KCNQ5: variants seen among roughly 807,000 people sequenced by gnomAD.
KCNQ5 encodes the protein potassium voltage-gated channel subfamily KQT member 5.
KCNQ5 carries 30 observed loss-of-function variants against 98.2 expected under a neutral mutation model. The observed-to-expected ratio is 0.31, with a 90% CI of 0.23 to 0.41. The LOEUF (loss-of-function observed/expected upper bound fraction) is 0.41. Among genes scored for constraint, KCNQ5 ranks in the 10% least tolerant of loss-of-function variants. The pLI is 1.00. For synonymous variants in KCNQ5, 458 were observed against 449.4 expected (o/e 1.02, Z -0.24); for missense variants, 835 against 1,182.5 (o/e 0.71, Z 4.31).
chr6:73,009,498 G>C (rs9446816), intron 2 of KCNQ5, among the ~76,000 whole-genome samples: 9,091 of 151,946 alleles, frequency 0.06, 831 homozygotes, highest in African/African-American at 0.2. Flanking sequence ...AAAGAATACA[G>C]TAGACCCAAG....
In KCNQ5 at chr6:73,146,626, C is replaced by CAAAAAAAAAAAAAAAAAAA. The variant is rs58798764; in HGVS notation, c.1468+12994_1468+13012dup. Among the ~76,000 whole-genome samples, 7 of 28,484 alleles carry CAAAAAAAAAAAAAAAAAAA rather than the reference C, an allele frequency of 2.5e-4. 1 individual carries two copies. The highest frequency in any genetic ancestry group is 7.7e-4 in the East Asian group (1 of 1,300). The allele number at this position is 28,484 out of a possible 152,430, so 18.7% of individuals were successfully genotyped here. ...TGGGCAACAGAACAAGTCCCTGTCT[C>CAAAAAAAAAAAAAAAAAAA]AAAAAAAAAAAAAAAAAAAAAAAAA... On this transcript the variant is annotated intron_variant, in intron 10 of 13. Coordinates refer to ENST00000370398, the MANE Select transcript of KCNQ5 (RefSeq NM_019842.4).
chr6:72,841,223 T>A (rs1582393644), intron 1 of KCNQ5, among the ~76,000 whole-genome samples: 1 of 152,302 alleles, frequency 6.6e-6, no homozygotes, highest in East Asian at 1.9e-4. Flanking sequence ...TTCTATTAGT[T>A]TTGCATTACC....
intron 1 of KCNQ5, among the ~76,000 whole-genome samples, chr6:72,892,279 C>A (rs1779085532): frequency 6.6e-6 from 1 of 152,214 alleles, no homozygotes; most frequent in Non-Finnish European, 1.5e-5. Context: ...CTGAAAGTTC[C>A]TGTTCTTAGG....
At chr6:73,052,284 G>A (rs1772279765) in intron 3 of KCNQ5, among the ~76,000 whole-genome samples, 1 of 152,132 alleles carries the variant, frequency 6.6e-6, no homozygotes, top group Non-Finnish European at 1.5e-5. Context: ...TGAAAGAGAG[G>A]GAGAGAAAGC....
chr6:72,801,079 G>A (rs1484794110), intron 1 of KCNQ5, among the ~76,000 whole-genome samples: 3 of 152,040 alleles, frequency 2.0e-5, no homozygotes, highest in African/African-American at 4.8e-5. Flanking sequence ...GTGTGGTGTG[G>A]TGCTGAAAAA....
chr6:72,685,493 A>G (rs1020807684), intron 1 of KCNQ5, among the ~76,000 whole-genome samples: 6 of 152,140 alleles, frequency 3.9e-5, no homozygotes, highest in African/African-American at 9.7e-5. Context: ...CTGACAACCA[A>G]TTTCTTACTC....
chr6:73,141,451 C>T (rs1419896041), intron 10 of KCNQ5, among the ~76,000 whole-genome samples: 1 of 152,186 alleles, frequency 6.6e-6, no homozygotes, highest in African/African-American at 2.4e-5. Context: ...TTTGATAAGA[C>T]TGAAGTTCCA....
intron 1 of KCNQ5, among the ~76,000 whole-genome samples, chr6:72,698,648 CTT>C (rs753567095): frequency 2.1e-5 from 2 of 93,998 alleles, no homozygotes; most frequent in Non-Finnish European, 4.4e-5. Flanking sequence ...TCTTCTTCTT[CTT>C]TTTTTTTTTT....
intron 1 of KCNQ5, among the ~76,000 whole-genome samples, chr6:72,922,559 C>T (rs1780446640): frequency 6.6e-6 from 1 of 152,110 alleles, no homozygotes; most frequent in African/African-American, 2.4e-5. Context: ...ACCAACATCT[C>T]CCCATATCCC....
chr6:72,641,082 G>A lies in KCNQ5; in HGVS notation c.398+18495G>A, dbSNP rs145348119. 1.5e-4 allele frequency among the ~76,000 whole-genome samples: 23 copies of A among 152,194 alleles called. No homozygotes were observed. The East Asian group carries it at 2.9e-3, about 19-fold the overall frequency. On this transcript the variant is annotated intron_variant, in intron 1 of 13. Transcript: ENST00000370398. ...CTAAGGAAGTTAAATTCTGAAGACG[G>A]TGTTTTTCTTGGAGTTAAACCATAT...
intron 1 of KCNQ5, among the ~76,000 whole-genome samples, chr6:72,693,905 A>G (rs1479862300): frequency 1.3e-5 from 2 of 152,190 alleles, no homozygotes; most frequent in Non-Finnish European, 1.5e-5. Flanking sequence ...TTACAGCTTC[A>G]GATGTTTAGT....
chr6:73,105,255 A>G lies in KCNQ5; in HGVS notation c.919-2A>G. The G allele has an allele frequency of 6.4e-7, 1 of 1,569,208 alleles. No homozygotes were observed. The highest frequency in any genetic ancestry group is 8.7e-7 in the Non-Finnish European group (1 of 1,143,530). On this transcript the variant is annotated splice_acceptor_variant, in intron 5 of 13. Transcript: ENST00000370398. LOFTEE classifies it high-confidence loss of function. Reference sequence around the variant, plus strand: ...TGCACATTCTATTTATTTTGTTTCTAGATTACATTGACAACTATTGGCTAT... The same window carrying G: ...TGCACATTCTATTTATTTTGTTTCTGGATTACATTGACAACTATTGGCTAT...
chr6:72,699,881 A>G (rs2154474589), intron 1 of KCNQ5, among the ~76,000 whole-genome samples: 1 of 152,298 alleles, frequency 6.6e-6, no homozygotes, highest in East Asian at 1.9e-4. Context: ...CATTTATTGA[A>G]TCTATGTTTC....
chr6:72,821,056 T>C (rs528313096), intron 1 of KCNQ5, among the ~76,000 whole-genome samples: 107 of 152,296 alleles, frequency 7.0e-4, no homozygotes, highest in African/African-American at 2.5e-3. Flanking sequence ...CCAACGACTA[T>C]GTAGCTTCAA....
intron 1 of KCNQ5, among the ~76,000 whole-genome samples, chr6:72,675,113 G>A (rs1256807909): frequency 6.6e-6 from 1 of 151,974 alleles, no homozygotes; most frequent in Non-Finnish European, 1.5e-5. Context: ...TCTTTTTGAG[G>A]CAAACAAAAC....
Position 72,712,686 on chromosome 6 carries a change from A to T in KCNQ5, c.398+90099A>T, listed in dbSNP as rs1769429388. On this transcript the variant is annotated intron_variant, in intron 1 of 13. Transcript: ENST00000370398. ...AATAGAACACCAATAGGTTTTCTTG[A>T]CAAGCTCACTTGGAGTATCCTCTCT... Among the ~76,000 whole-genome samples, 4 of 152,274 alleles carry T rather than the reference A, an allele frequency of 2.6e-5. No individual in the cohort carries two copies. In the South Asian group the frequency reaches 8.3e-4, roughly 32 times the overall value.
At chr6:72,794,725 A>G (rs1774240993) in intron 1 of KCNQ5, among the ~76,000 whole-genome samples, 1 of 152,122 alleles carries the variant, frequency 6.6e-6, no homozygotes, top group African/African-American at 2.4e-5. Context: ...TTTTTTATTG[A>G]CCCGAATATT....
chr6:73,085,580 C>T (rs16883262), intron 5 of KCNQ5, among the ~76,000 whole-genome samples: 10,690 of 152,170 alleles, frequency 0.07, 1,084 homozygotes, highest in African/African-American at 0.22. Context: ...AAGCCTGAAC[C>T]GGAGTGTAGG....
chr6:73,124,859 AT>A (rs536372031), intron 9 of KCNQ5, among the ~76,000 whole-genome samples: 88 of 146,778 alleles, frequency 6.0e-4, no homozygotes, highest in African/African-American at 2.2e-3. Context: ...AAAGAAAGAA[AT>A]TTTTTTTCTG....
Sources: allele counts gnomAD v4.1 joint callset (sites outside exome capture counted in the v4.1 genomes callset), GRCh38; gene constraint gnomAD v4.1.1; transcripts MANE v1.5; gene names NCBI Gene and HGNC (gene_info 2026-07-23, HGNC 2026-07-21).